The following EXOC2 variants were observed in gnomAD, a reference collection of about 807,000 sequenced individuals.
EXOC2 encodes SEC5-like 1.
Under a neutral mutation model 131.8 loss-of-function variants are expected in EXOC2, and 70 were observed. The ratio of observed to expected loss-of-function variants is 0.53; its 90% CI spans 0.44 to 0.65. EXOC2 has a LOEUF of 0.65. Among genes scored for constraint, EXOC2 ranks in the 30% least tolerant of loss-of-function variants. The probability of loss-of-function intolerance (pLI) is 0.00; values close to 1 mark genes in which losing one functional copy is unlikely to be tolerated. For missense variants in EXOC2, 923 were observed against 1,108.6 expected, an observed-to-expected ratio of 0.83 and a Z score of 2.38; for synonymous variants, 411 against 398.4, an observed-to-expected ratio of 1.03 and a Z score of -0.38.
intron 11 of EXOC2, among the ~76,000 whole-genome samples, chr6:584,968 G>C (rs1447627485): frequency 6.6e-6 from 1 of 152,174 alleles, no homozygotes; most frequent in African/African-American, 2.4e-5. Flanking sequence ...ATGTCAGTAG[G>C]GGGTTAACCA....
chr6:502,745 A>T (rs1176264616), intron 23 of EXOC2, among the ~76,000 whole-genome samples: 1 of 152,222 alleles, frequency 6.6e-6, no homozygotes, highest in African/African-American at 2.4e-5. Context: ...AAGGAGCTCA[A>T]AGACGTAACC....
chr6:583,363 C>G (rs1759020295), intron 11 of EXOC2, among the ~76,000 whole-genome samples: 1 of 152,138 alleles, frequency 6.6e-6, no homozygotes, highest in Non-Finnish European at 1.5e-5. Context: ...TAAGCCAGGG[C>G]AGTGGAAAAG....
At chr6:517,810 A>G (rs1765237651) in intron 23 of EXOC2, among the ~76,000 whole-genome samples, 1 of 152,230 alleles carries the variant, frequency 6.6e-6, no homozygotes, top group Non-Finnish European at 1.5e-5. Flanking sequence ...CCACAAATTT[A>G]TAGGAAACAT....
intron 6 of EXOC2, among the ~76,000 whole-genome samples, chr6:614,862 G>A (rs1489445595): frequency 6.6e-6 from 1 of 151,850 alleles, no homozygotes; most frequent in Non-Finnish European, 1.5e-5. Flanking sequence ...TATATATTAA[G>A]AAACATATTC....
intron 22 of EXOC2, among the ~76,000 whole-genome samples, chr6:545,978 TTTC>T (rs1756830357): frequency 6.6e-6 from 1 of 152,156 alleles, no homozygotes; most frequent in African/African-American, 2.4e-5. Flanking sequence ...CAGAAAAATG[TTTC>T]TTTTTTTCTC....
At chr6:665,006 A>C (rs1377371274) in intron 1 of EXOC2, among the ~76,000 whole-genome samples, 2 of 152,204 alleles carry the variant, frequency 1.3e-5, no homozygotes, top group Non-Finnish European at 2.9e-5. Context: ...CAACACACAG[A>C]GGGGGAGAAA....
intron 23 of EXOC2, among the ~76,000 whole-genome samples, chr6:504,782 G>C (rs1358414188): frequency 6.6e-6 from 1 of 152,164 alleles, no homozygotes; most frequent in African/African-American, 2.4e-5. Context: ...CACGTGCTGT[G>C]TATCTATCAT....
intron 23 of EXOC2, among the ~76,000 whole-genome samples, chr6:515,192 C>G (rs1765074732): frequency 6.6e-6 from 1 of 152,154 alleles, no homozygotes; most frequent in Non-Finnish European, 1.5e-5. Context: ...TTCCCTTGCC[C>G]CAGGTTGGCA....
intron 23 of EXOC2, among the ~76,000 whole-genome samples, chr6:522,291 G>A (rs1416001418): frequency 6.6e-6 from 1 of 150,516 alleles, no homozygotes; most frequent in Admixed American, 6.6e-5. Flanking sequence ...ACAGCGTGTG[G>A]GGGAGCATTG....
chr6:610,111 C>T lies in EXOC2; in HGVS notation c.729G>A (p.Glu243=). ...KVEGSMTQKL[E]NVLNRASNTA... ...GACAAAACTTACTGTTCAGAACATT[C>T]TCCAGTTTCTGCGTCATGGATCCTT... is the stretch of plus-strand genomic sequence containing the variant. The change falls in exon 7 of 28, where the codon GAG becomes GAA. Residue 243 remains glutamate (E), a synonymous_variant. Transcript: ENST00000230449. 1 of 1,613,966 alleles carries T rather than the reference C, an allele frequency of 6.2e-7. No homozygotes were observed. The highest frequency in any genetic ancestry group is 2.2e-5 in the East Asian group (1 of 44,860).
intron 17 of EXOC2, among the ~76,000 whole-genome samples, chr6:557,617 C>CAAA (rs59474432): frequency 9.0e-5 from 10 of 111,076 alleles, no homozygotes; most frequent in South Asian, 3.4e-4. Flanking sequence ...GACTTCATCT[C>CAAA]AAAAAAAAAA....
intron 12 of EXOC2, 83 bp downstream of exon 12, chr6:576,674 G>C: frequency 1.3e-6 from 2 of 1,548,560 alleles, no homozygotes. Context: ...AACACAAATT[G>C]GGGAATTTTC....
intron 27 of EXOC2, 46 bp downstream of exon 27, chr6:488,933 G>A (rs374909257): frequency 3.9e-5 from 62 of 1,570,390 alleles, no homozygotes; most frequent in East Asian, 3.6e-4. Flanking sequence ...ACAAAACCTT[G>A]TTGAGCACAT....
rs745744635 is a variant in EXOC2 at position 657,188 on chromosome 6, G to A, written c.-43-19327C>T. On this transcript the variant is annotated intron_variant, in intron 1 of 27. Coordinates refer to ENST00000230449, the MANE Select transcript of EXOC2 (RefSeq NM_018303.6). ...CTTCCCTCCAGCCCTCTCACAAAAT[G>A]CTTCCGTTTCCACTCCGGTTATAAG... The A allele has an allele frequency of 4.4e-5, 17 of 382,922 alleles. No individual in the cohort carries two copies. The South Asian group carries it at 1.6e-3, about 37-fold the overall frequency. 23.7% of individuals were successfully genotyped at this position (382,922 alleles called of 1,614,324 possible).
chr6:685,662 A>G (rs1764610416), intron 1 of EXOC2, among the ~76,000 whole-genome samples: 1 of 152,132 alleles, frequency 6.6e-6, no homozygotes, highest in Admixed American at 6.5e-5. Flanking sequence ...AGTTTTCCAA[A>G]TTAATCCTCT....
At chr6:587,190 G>T (rs111966366) in intron 11 of EXOC2, among the ~76,000 whole-genome samples, 1 of 151,516 alleles carries the variant, frequency 6.6e-6, no homozygotes, top group South Asian at 2.1e-4. Context: ...ATAAACACAC[G>T]CACACATACA....
intron 11 of EXOC2, among the ~76,000 whole-genome samples, chr6:591,631 A>G (rs1199712166): frequency 5.3e-5 from 8 of 152,088 alleles, no homozygotes; most frequent in African/African-American, 1.9e-4. Context: ...AACAGCACAC[A>G]ATATTCTAAC....
chr6:543,183 G>A (rs1221555533), intron 22 of EXOC2, among the ~76,000 whole-genome samples: 1 of 152,206 alleles, frequency 6.6e-6, no homozygotes, highest in East Asian at 1.9e-4. Flanking sequence ...AGAAAGACTT[G>A]GCAAAAACCA....
Position 576,773 on chromosome 6 carries a change from C to A in EXOC2, c.1302G>T (p.Gln434His), listed in dbSNP as rs146772908. 2.5e-5 allele frequency: 40 copies of A among 1,613,946 alleles called. No homozygotes were observed. The highest frequency in any genetic ancestry group is 3.1e-5 in the Non-Finnish European group (36 of 1,179,978). ...GATACTTACTGTCGTCTCGACCAGA[C>A]TGAAAGCTGCTGCCCCTCTTCAGGG... ...TASLKRGSSFQSGRDDTWRYK... is the reference protein window; with the variant it reads ...TASLKRGSSFHSGRDDTWRYK... Residue 434 changes from glutamine to histidine, a missense_variant, in exon 12 of 28, where the codon CAG becomes CAT. Coordinates refer to ENST00000230449, the MANE Select transcript of EXOC2 (RefSeq NM_018303.6).
Sources: allele counts gnomAD v4.1 joint callset (sites outside exome capture counted in the v4.1 genomes callset), GRCh38; gene constraint gnomAD v4.1.1; transcripts MANE v1.5; gene names NCBI Gene and HGNC (gene_info 2026-07-23, HGNC 2026-07-21).